SPON1: variants seen among roughly 807,000 people sequenced by gnomAD.
SPON1 encodes spondin 1, also known as spondin-1.
A neutral mutation model predicts 111.7 loss-of-function variants in SPON1; 52 were observed. That is an observed-to-expected ratio of 0.47 (90% confidence interval 0.37 to 0.59). The LOEUF (loss-of-function observed/expected upper bound fraction) is 0.59, where lower values mean the gene tolerates loss of function less well. SPON1 is among the 20% of genes least tolerant of loss of function. The pLI is 0.00. For synonymous variants in SPON1, 410 were observed against 395.8 expected, an observed-to-expected ratio of 1.04 and a Z score of -0.43; for missense variants, 957 against 1,068.5, an observed-to-expected ratio of 0.90 and a Z score of 1.46.
chr11:14,121,397 G>C (rs1182705744), intron 5 of SPON1, among the ~76,000 whole-genome samples: 1 of 152,200 alleles, frequency 6.6e-6, no homozygotes, highest in East Asian at 1.9e-4. Flanking sequence ...TGTGGGAATA[G>C]AGGGGAACAA....
rs1554941156 is a variant in SPON1, at chr11:14,255,793, G to A, written c.1233+6G>A. 1.2e-6 allele frequency: 2 copies of A among 1,612,962 alleles called. No individual in the cohort carries two copies. Among genetic ancestry groups the A allele is most frequent in the South Asian group, 2.2e-5 (2 of 90,954 alleles). Reference sequence around the variant, plus strand: ...TCGAGAGAATCGCACGGAAGGTACTGGGTTAGAACCCACTCTGGCATCGAC... The same window carrying A: ...TCGAGAGAATCGCACGGAAGGTACTAGGTTAGAACCCACTCTGGCATCGAC... On this transcript the variant is annotated splice_donor_region_variant and intron_variant, in intron 9 of 15. Coordinates refer to ENST00000576479, the MANE Select transcript of SPON1 (RefSeq NM_006108.4).
chr11:14,108,070 A>G (rs1367244630), intron 5 of SPON1, among the ~76,000 whole-genome samples: 1 of 152,166 alleles, frequency 6.6e-6, no homozygotes, highest in African/African-American at 2.4e-5. Context: ...TACTAGCTGT[A>G]GCACCTTGCA....
intron 6 of SPON1, among the ~76,000 whole-genome samples, chr11:14,231,033 G>C (rs545120470): frequency 5.9e-5 from 9 of 152,130 alleles, no homozygotes; most frequent in Non-Finnish European, 1.2e-4. Flanking sequence ...GGCTGGTCTC[G>C]AATTCTTGGA....
At chr11:14,035,285 C>G (rs12280071) in intron 2 of SPON1, among the ~76,000 whole-genome samples, 45,587 of 152,002 alleles carry the variant, frequency 0.3, 7,914 homozygotes, top group South Asian at 0.51. Flanking sequence ...GGGCTGACCT[C>G]AAGCCCTAGC....
intron 3 of SPON1, among the ~76,000 whole-genome samples, chr11:14,062,715 G>A (rs563881181): frequency 9.8e-5 from 15 of 152,306 alleles, no homozygotes; most frequent in African/African-American, 3.6e-4. Context: ...TAAGAATTCT[G>A]CTAGTTGACT....
chr11:14,055,252 A>G (rs1430786138), intron 3 of SPON1, among the ~76,000 whole-genome samples: 1 of 152,182 alleles, frequency 6.6e-6, no homozygotes, highest in African/African-American at 2.4e-5. Flanking sequence ...CTTCTTCATC[A>G]GTCAACATCT....
At chr11:14,094,230 A>G (rs1263546540) in intron 5 of SPON1, among the ~76,000 whole-genome samples, 7 of 150,092 alleles carry the variant, frequency 4.7e-5, no homozygotes, top group Admixed American at 1.3e-4. Flanking sequence ...AAAAAAAGCC[A>G]CACAACGCTT....
chr11:14,182,161 G>A (rs1848240894), intron 6 of SPON1, among the ~76,000 whole-genome samples: 1 of 152,142 alleles, frequency 6.6e-6, no homozygotes, highest in South Asian at 2.1e-4. Context: ...TAAGCTCCCT[G>A]ATATACCCCT....
rs571772217 is a variant in SPON1 at position 14,206,297 on chromosome 11, G to A, written c.826-37035G>A. ...CAACCTCCGCCTCCCAGGTTCAAGC[G>A]ATTCTTCTGCCTCAGCCTCCCAAGA... On this transcript the variant is annotated intron_variant, in intron 6 of 15. Transcript: ENST00000576479. Among the ~76,000 whole-genome samples the A allele has an allele frequency of 3.9e-5, 6 of 152,104 alleles. No individual in the cohort carries two copies. In the East Asian group the frequency reaches 9.7e-4, roughly 25 times the overall value.
intron 1 of SPON1, among the ~76,000 whole-genome samples, chr11:13,979,613 T>G (rs1301140313): frequency 6.6e-6 from 1 of 151,876 alleles, no homozygotes; most frequent in Non-Finnish European, 1.5e-5. Flanking sequence ...CATTTTGGAG[T>G]GTAAAGTGCC....
At chr11:14,263,944 A>T (rs1465646536) in intron 15 of SPON1, among the ~76,000 whole-genome samples, 1 of 151,840 alleles carries the variant, frequency 6.6e-6, no homozygotes, top group African/African-American at 2.4e-5. Flanking sequence ...CAGGAGAATC[A>T]CTTGAACTGG....
intron 5 of SPON1, among the ~76,000 whole-genome samples, chr11:14,092,386 T>C (rs1336202644): frequency 6.6e-6 from 1 of 152,208 alleles, no homozygotes; most frequent in African/African-American, 2.4e-5. Context: ...GTCCAGACTT[T>C]GAGAACCTCT....
chr11:14,057,690 G>C (rs536490962), intron 3 of SPON1, among the ~76,000 whole-genome samples: 1 of 151,992 alleles, frequency 6.6e-6, no homozygotes, highest in South Asian at 2.1e-4. Context: ...GGTTGAAATG[G>C]TTTCAAATTA....
At chr11:14,036,271 G>A (rs1246349780) in intron 2 of SPON1, among the ~76,000 whole-genome samples, 3 of 152,182 alleles carry the variant, frequency 2.0e-5, no homozygotes, top group Non-Finnish European at 4.4e-5. Context: ...GGAGAAAGAC[G>A]AGAGAGTATA....
chr11:14,042,230 C>A (rs1372695495), intron 3 of SPON1, among the ~76,000 whole-genome samples: 1 of 152,152 alleles, frequency 6.6e-6, no homozygotes, highest in Non-Finnish European at 1.5e-5. Context: ...TATCTCAAAC[C>A]TGTTTCTCCA....
intron 15 of SPON1, among the ~76,000 whole-genome samples, chr11:14,263,495 TTTA>T (rs1401127928): frequency 2.0e-5 from 3 of 151,718 alleles, no homozygotes; most frequent in Non-Finnish European, 4.4e-5. Flanking sequence ...GGCCTGAGAC[TTTA>T]TGATTTTTTT....
At chr11:13,968,455 C>T (rs1315819102) in intron 1 of SPON1, among the ~76,000 whole-genome samples, 1 of 152,170 alleles carries the variant, frequency 6.6e-6, no homozygotes, top group African/African-American at 2.4e-5. Flanking sequence ...GTATAAAATA[C>T]ACAATGACTG....
chr11:14,020,138 A>T (rs1303189526), intron 2 of SPON1, among the ~76,000 whole-genome samples: 10 of 152,186 alleles, frequency 6.6e-5, no homozygotes, highest in Admixed American at 2.0e-4. Flanking sequence ...AAGAATGTGC[A>T]CCACTCTAGG....
chr11:14,102,623 C>T (rs1015607032), intron 5 of SPON1, among the ~76,000 whole-genome samples: 8 of 152,132 alleles, frequency 5.3e-5, no homozygotes, highest in Non-Finnish European at 1.5e-5. Flanking sequence ...ATTTACTTGT[C>T]AGGTCTCTTT....
Sources: gnomAD v4.1 joint callset for allele counts (sites outside exome capture counted in the v4.1 genomes callset) on GRCh38, gnomAD v4.1.1 for gene constraint, MANE v1.5 for transcripts, NCBI Gene and HGNC (gene_info 2026-07-23, HGNC 2026-07-21) for gene names.